Variants in ATM observed in about 807,000 individuals in gnomAD.
ATM encodes the protein ATM serine/threonine kinase, also known as serine-protein kinase ATM.
Under a neutral mutation model 387.0 loss-of-function variants are expected in ATM, and 308 were observed. The ratio of observed to expected loss-of-function variants is 0.80; its 90% CI spans 0.73 to 0.87. The LOEUF (loss-of-function observed/expected upper bound fraction) is 0.87, where lower values mean the gene tolerates loss of function less well. Ranked by LOEUF, ATM falls within the 40% of genes least tolerant of loss-of-function variation. ATM has a pLI of 0.00. For missense variants in ATM, 3,312 were observed against 3,560.9 expected, an observed-to-expected ratio of 0.93 and a Z score of 1.78; for synonymous variants, 1,156 against 1,187.3, an observed-to-expected ratio of 0.97 and a Z score of 0.54.
chr11:108,286,524 C>A (rs562974010), intron 26 of ATM, among the ~76,000 whole-genome samples: 2 of 152,054 alleles, frequency 1.3e-5, no homozygotes, highest in African/African-American at 4.8e-5. Flanking sequence ...ACTTGGTATA[C>A]ACCCTATGTA....
At chr11:108,248,317 A>G (rs58677290) in intron 8 of ATM, among the ~76,000 whole-genome samples, 20 of 152,284 alleles carry the variant, frequency 1.3e-4, no homozygotes, top group African/African-American at 4.8e-4. Flanking sequence ...CTTAAATTTA[A>G]AAACTTGAAT....
intron 37 of ATM, among the ~76,000 whole-genome samples, chr11:108,306,796 G>C (rs1370230915): frequency 6.6e-6 from 1 of 152,162 alleles, no homozygotes; most frequent in Non-Finnish European, 1.5e-5. Flanking sequence ...AAGCAAACGT[G>C]TCATCTTCTT....
At chr11:108,352,453 A>C (rs1466470481) in intron 59 of ATM, among the ~76,000 whole-genome samples, 1 of 152,226 alleles carries the variant, frequency 6.6e-6, no homozygotes, top group African/African-American at 2.4e-5. Flanking sequence ...AGAGCCGTAG[A>C]AATTACCCAA....
chr11:108,365,722 T>G lies in ATM; in HGVS notation c.*214T>G. ...CTCTGCTTTCACTCTTTAGAAATAA[T>G]GGTCATTCGGGCTGGGCGCAGCGGC... On this transcript the variant is annotated 3_prime_UTR_variant, in exon 63 of 63. Transcript: ENST00000675843. The G allele has an allele frequency of 1.5e-6, 1 of 660,706 alleles. No individual in the cohort carries two copies. The highest frequency in any genetic ancestry group is 2.5e-6 in the Non-Finnish European group (1 of 404,034). The allele number at this position is 660,706 out of a possible 1,614,324, so 40.9% of individuals were successfully genotyped here.
intron 4 of ATM, among the ~76,000 whole-genome samples, chr11:108,234,309 A>G (rs971979358): frequency 1.4e-4 from 21 of 152,228 alleles, no homozygotes; most frequent in Admixed American, 3.9e-4. Context: ...CTAATCCAGA[A>G]TATATTCATA....
At chr11:108,255,881 T>A (rs1565393859) in intron 13 of ATM, among the ~76,000 whole-genome samples, 1 of 152,226 alleles carries the variant, frequency 6.6e-6, no homozygotes, top group East Asian at 1.9e-4. Flanking sequence ...TTCTAAGACT[T>A]ACAGTCATTT....
At chr11:108,317,317 G>A (rs2136159103) in intron 42 of ATM, 56 bp from the exon 43 acceptor site, 1 of 1,559,554 alleles carries the variant, frequency 6.4e-7, no homozygotes, top group Non-Finnish European at 8.8e-7. Context: ...TTTTTCTCTG[G>A]TTTTCTGTTG....
intron 61 of ATM, among the ~76,000 whole-genome samples, chr11:108,357,983 G>A (rs1178280102): frequency 1.3e-4 from 20 of 148,286 alleles, no homozygotes; most frequent in Admixed American, 1.2e-3. Flanking sequence ...GGCTTCAGAC[G>A]ATCAAATTAC....
chr11:108,295,111 A>G lies in ATM; in HGVS notation c.4909+52A>G, dbSNP rs1024895377. On this transcript the variant is annotated intron_variant, in intron 32 of 62. Coordinates refer to ENST00000675843, the MANE Select transcript of ATM (RefSeq NM_000051.4). Reference sequence around the variant, plus strand: ...TTTCTACCTGTTTCTTTTTGAAAGAATATTTTGCAAAGTCTTGCTCTTGGT... The same window carrying G: ...TTTCTACCTGTTTCTTTTTGAAAGAGTATTTTGCAAAGTCTTGCTCTTGGT... The G allele has an allele frequency of 2.5e-6, 4 of 1,608,106 alleles. No individual in the cohort carries two copies. In the African/African-American group the frequency reaches 5.3e-5, roughly 22 times the overall value.
Position 108,354,837 on chromosome 11 carries a change from TGAGAAACTCTC to T in ATM, c.8814_8824del (p.Met2938IlefsTer14), listed in dbSNP as rs758814126. ...TGCTGTGAGAAAACCATGGAAGTGA[TGAGAAACTCTC>T]AGGAAACTCTGTTAACCATTGTAGA... On this transcript the variant is annotated frameshift_variant, in exon 61 of 63. Coordinates refer to ENST00000675843, the MANE Select transcript of ATM (RefSeq NM_000051.4). LOFTEE classifies it high-confidence loss of function. 1.2e-6 allele frequency: 2 copies of T among 1,613,966 alleles called. No individual in the cohort carries two copies. The highest frequency in any genetic ancestry group is 2.7e-5 in the African/African-American group (2 of 75,066).
chr11:108,282,612 AT>A (rs1193053720), intron 24 of ATM, 97 bp from the exon 25 acceptor site: 2 of 1,157,018 alleles, frequency 1.7e-6, no homozygotes, highest in East Asian at 2.4e-5. Flanking sequence ...AGTTGAATGA[AT>A]GTTGTTTCTA....
intron 55 of ATM, 114 bp downstream of exon 55, chr11:108,335,223 TGAG>T (rs2086707231): frequency 6.4e-7 from 1 of 1,570,252 alleles, no homozygotes; most frequent in Non-Finnish European, 8.6e-7. Context: ...TACTTACAAA[TGAG>T]GAAGATTTGT....
At chr11:108,292,834 A>C (rs368201333) in intron 30 of ATM, 41 bp downstream of exon 30, 5 of 1,595,912 alleles carry the variant, frequency 3.1e-6, no homozygotes, top group Non-Finnish European at 4.3e-6. Flanking sequence ...TTTAAAATAT[A>C]TAAAGTATTG....
intron 57 of ATM, 108 bp from the exon 58 acceptor site, chr11:108,345,635 G>A: frequency 1.1e-6 from 1 of 897,986 alleles, no homozygotes; most frequent in Non-Finnish European, 1.6e-6. Context: ...AATGTATCCT[G>A]TTCATCTTTA....
At position 108,274,550 on chromosome 11, in the gene ATM, G is replaced by GGA. The variant is rs1360015951; in HGVS notation, c.3284+1698_3284+1699insGA. 2.6e-5 allele frequency among the ~76,000 whole-genome samples: 4 copies of GGA among 152,230 alleles called. No individual in the cohort carries two copies. In the East Asian group the frequency reaches 7.7e-4, roughly 29 times the overall value. ...TAAACACTGCTTTAGCTGTGTCCCAGAGATTCTGGTACATTGTGTCTTTGT... is the reference window on the plus strand; with the variant it reads ...TAAACACTGCTTTAGCTGTGTCCCAGGAAGATTCTGGTACATTGTGTCTTTGT... On this transcript the variant is annotated intron_variant, in intron 22 of 62. Coordinates refer to ENST00000675843, the MANE Select transcript of ATM (RefSeq NM_000051.4).
chr11:108,253,013 C>T, intron 12 of ATM, 101 bp downstream of exon 12: 1 of 1,061,550 alleles, frequency 9.4e-7, no homozygotes, highest in Non-Finnish European at 1.4e-6. Flanking sequence ...TAATTGTAAA[C>T]TAAATTGGTC....
rs786203421 is a variant in ATM at position 108,327,664 on chromosome 11, TTACA to T, written c.7000_7003del (p.Tyr2334GlnfsTer4). 3.1e-6 allele frequency: 5 copies of T among 1,613,798 alleles called. No homozygotes were observed. In the African/African-American group the frequency reaches 4.0e-5, roughly 13 times the overall value. ...ATACAGAACAATCCCAGCCTAAAACTTACATACACAGAATGTCTGAGGGTTTGTG... is the reference window on the plus strand; with the variant it reads ...ATACAGAACAATCCCAGCCTAAAACTTACACAGAATGTCTGAGGGTTTGTG... On this transcript the variant is annotated frameshift_variant, in exon 48 of 63. Coordinates refer to ENST00000675843, the MANE Select transcript of ATM (RefSeq NM_000051.4). LOFTEE classifies it high-confidence loss of function.
chr11:108,355,076 G>A (rs2089732313), intron 61 of ATM: 3 of 580,052 alleles, frequency 5.2e-6, no homozygotes, highest in Admixed American at 6.0e-5. Context: ...GCCCCCTTGA[G>A]TTTCTTGGAA....
At chr11:108,361,547 A>C (rs1268879323) in intron 61 of ATM, among the ~76,000 whole-genome samples, 2 of 152,088 alleles carry the variant, frequency 1.3e-5, no homozygotes, top group African/African-American at 4.8e-5. Context: ...ACTTCAAACT[A>C]TACTACAAGG....
Sources: allele counts gnomAD v4.1 joint callset (sites outside exome capture counted in the v4.1 genomes callset), GRCh38; gene constraint gnomAD v4.1.1; transcripts MANE v1.5; gene names NCBI Gene and HGNC (gene_info 2026-07-23, HGNC 2026-07-21).